Variants in FARS2 observed in about 807,000 individuals in gnomAD.
FARS2 encodes the protein phenylalanyl-tRNA synthetase 2, mitochondrial, also known as phenylalanine--tRNA ligase, mitochondrial.
FARS2 carries 40 observed loss-of-function variants against 46.4 expected under a neutral mutation model. That is an observed-to-expected ratio of 0.86 (90% CI 0.67 to 1.12). The LOEUF (loss-of-function observed/expected upper bound fraction) is 1.12, where lower values mean the gene tolerates loss of function less well. Among genes scored for constraint, FARS2 ranks in the 50% most tolerant of loss-of-function variants. The pLI is 0.00. For synonymous variants in FARS2, 234 were observed against 214.9 expected (o/e 1.09, Z -0.78); for missense variants, 513 against 567.9 (o/e 0.90, Z 0.98).
chr6:5,432,685 A>C (rs1763296705), intron 4 of FARS2, among the ~76,000 whole-genome samples: 1 of 151,256 alleles, frequency 6.6e-6, no homozygotes, highest in Admixed American at 6.6e-5. Context: ...TTAGAAGGAC[A>C]TTTGCTGCTT....
intron 4 of FARS2, among the ~76,000 whole-genome samples, chr6:5,446,779 T>G (rs1057225398): frequency 1.3e-5 from 2 of 152,268 alleles, no homozygotes; most frequent in Middle Eastern, 3.4e-3. Flanking sequence ...TATATATATA[T>G]AGTAATATGG....
chr6:5,440,493 G>A (rs1023319851), intron 4 of FARS2, among the ~76,000 whole-genome samples: 4 of 152,140 alleles, frequency 2.6e-5, no homozygotes, highest in African/African-American at 9.7e-5. Context: ...ATTTTCCTGG[G>A]ATAAGTTTAT....
intron 6 of FARS2, among the ~76,000 whole-genome samples, chr6:5,701,486 T>C (rs1238695509): frequency 1.3e-5 from 2 of 152,202 alleles, no homozygotes; most frequent in East Asian, 3.8e-4. Context: ...TGGGCTATTA[T>C]TGGGACCAAG....
intron 6 of FARS2, among the ~76,000 whole-genome samples, chr6:5,766,009 C>A (rs1378093696): frequency 6.6e-6 from 1 of 152,142 alleles, no homozygotes; most frequent in Non-Finnish European, 1.5e-5. Flanking sequence ...TTAGCCAATA[C>A]CCCAATGCAA....
In FARS2 at chr6:5,474,661, C is replaced by CTTT. The variant is rs34998565; in HGVS notation, c.904+43490_904+43491insTTT. Among the ~76,000 whole-genome samples the CTTT allele has an allele frequency of 1.4e-3, 99 of 71,366 alleles. 2 individuals are homozygous for CTTT. Among genetic ancestry groups the CTTT allele is most frequent in the African/African-American group, 3.3e-3 (80 of 24,506 alleles). The allele number at this position is 71,366 out of a possible 152,430, so 46.8% of individuals were successfully genotyped here. On this transcript the variant is annotated intron_variant, in intron 4 of 6. Coordinates refer to ENST00000274680, the MANE Select transcript of FARS2 (RefSeq NM_006567.5). ...GAAAAGGTACAATAAAAATACAGTA[C>CTTT]TGTTTTTTTTTTTTTTTTTGAGACA...
chr6:5,604,561 A>G (rs1380332789), intron 5 of FARS2, among the ~76,000 whole-genome samples: 1 of 152,174 alleles, frequency 6.6e-6, no homozygotes, highest in East Asian at 1.9e-4. Context: ...AAACCACAGA[A>G]CTGTGAGCTG....
chr6:5,638,460 G>T (rs1435389575), intron 6 of FARS2, among the ~76,000 whole-genome samples: 1 of 152,232 alleles, frequency 6.6e-6, no homozygotes, highest in Non-Finnish European at 1.5e-5. Flanking sequence ...AGCTACTTGG[G>T]AAGCTGAGGC....
intron 6 of FARS2, among the ~76,000 whole-genome samples, chr6:5,712,895 T>C (rs1282255007): frequency 6.6e-6 from 1 of 152,246 alleles, no homozygotes; most frequent in Non-Finnish European, 1.5e-5. Flanking sequence ...GCTCACACAG[T>C]AGACACACCT....
chr6:5,287,831 GT>G (rs1399140934), intron 1 of FARS2, among the ~76,000 whole-genome samples: 1 of 152,020 alleles, frequency 6.6e-6, no homozygotes, highest in African/African-American at 2.4e-5. Flanking sequence ...GGCTCCAGTT[GT>G]TTTTTTCAAG....
At chr6:5,540,653 T>G (rs901176482) in intron 4 of FARS2, among the ~76,000 whole-genome samples, 1 of 152,260 alleles carries the variant, frequency 6.6e-6, no homozygotes, top group Admixed American at 6.5e-5. Flanking sequence ...TAGTCAATAC[T>G]GTGTATGACA....
In FARS2 at chr6:5,301,802, TACACACAC is replaced by T. The variant is rs143654686; in HGVS notation, c.-22+40180_-22+40187del. Among the ~76,000 whole-genome samples the T allele has an allele frequency of 5.5e-3, 724 of 132,414 alleles. 6 individuals are homozygous for T. Among genetic ancestry groups the T allele is most frequent in the African/African-American group, 0.012 (462 of 37,980 alleles). 86.9% of individuals were successfully genotyped at this position (132,414 alleles called of 152,430 possible). A position where few individuals can be genotyped will look rare whatever the true frequency, so the allele number is the denominator to read the frequency against. On this transcript the variant is annotated intron_variant, in intron 1 of 6. Coordinates refer to ENST00000274680, the MANE Select transcript of FARS2 (RefSeq NM_006567.5). ...AGTAAGATGCTATCTCACACACACA[TACACACAC>T]ACACACACACACACACACACACACA...
chr6:5,657,161 C>G lies in FARS2; in HGVS notation c.1217+43841C>G, dbSNP rs551509449. ...TGTGAATTCTTTTCAACTATTATCT[C>G]TTTATCCCCTTTTTGTGGGATGTGT... On this transcript the variant is annotated intron_variant, in intron 6 of 6. Coordinates refer to ENST00000274680, the MANE Select transcript of FARS2 (RefSeq NM_006567.5). Among the ~76,000 whole-genome samples, 196 of 152,200 alleles carry G rather than the reference C, an allele frequency of 1.3e-3. 1 individual carries two copies. The highest frequency in any genetic ancestry group is 4.6e-3 in the African/African-American group (191 of 41,522).
chr6:5,257,779 C>T (rs1764750187), upstream of FARS2, among the ~76,000 whole-genome samples: 1 of 152,126 alleles, frequency 6.6e-6, no homozygotes, highest in Admixed American at 6.5e-5. Context: ...CTCCCTTGAC[C>T]CGGTCCATGG....
intron 6 of FARS2, among the ~76,000 whole-genome samples, chr6:5,624,076 C>T (rs908835532): frequency 2.0e-5 from 3 of 151,794 alleles, no homozygotes; most frequent in African/African-American, 7.3e-5. Flanking sequence ...CTCCTGGCTG[C>T]TTCCTTTTCT....
chr6:5,376,095 C>T (rs1192402023), intron 2 of FARS2, among the ~76,000 whole-genome samples: 1 of 151,924 alleles, frequency 6.6e-6, no homozygotes, highest in Non-Finnish European at 1.5e-5. Context: ...TTCTTTTTTT[C>T]ATCCTGAGAC....
rs116258328 is a variant in FARS2 at position 5,563,224 on chromosome 6, G to A, written c.1065+17884G>A. 2.3e-3 allele frequency among the ~76,000 whole-genome samples: 354 copies of A among 152,190 alleles called. 1 individual carries two copies. The highest frequency in any genetic ancestry group is 7.9e-3 in the African/African-American group (328 of 41,546). On this transcript the variant is annotated intron_variant, in intron 5 of 6. Coordinates refer to ENST00000274680, the MANE Select transcript of FARS2 (RefSeq NM_006567.5). Reference sequence around the variant, plus strand: ...TGGCTTGACTAGGCATGTCATTCACGTAGCCCATGAAAATGCTGGCCCTCC... The same window carrying A: ...TGGCTTGACTAGGCATGTCATTCACATAGCCCATGAAAATGCTGGCCCTCC...
chr6:5,341,214 T>TAG (rs1771571724), intron 1 of FARS2, among the ~76,000 whole-genome samples: 2 of 9,216 alleles, frequency 2.2e-4, no homozygotes, highest in Non-Finnish European at 2.2e-4. Context: ...TATATATATA[T>TAG]ATATATATAT....
At position 5,295,520 on chromosome 6, in the gene FARS2, A is replaced by G. The variant is rs190674446; in HGVS notation, c.-22+33860A>G. Among the ~76,000 whole-genome samples, 315 of 152,292 alleles carry G rather than the reference A, an allele frequency of 2.1e-3. 2 individuals are homozygous for G. Among genetic ancestry groups the G allele is most frequent in the African/African-American group, 7.3e-3 (303 of 41,554 alleles). On this transcript the variant is annotated intron_variant, in intron 1 of 6. Coordinates refer to ENST00000274680, the MANE Select transcript of FARS2 (RefSeq NM_006567.5). The stretch of plus-strand genomic sequence containing the variant: ...TAATAAAACGTTTTAAAAAGGATCA[A>G]GCAAATAAATAAAATAGTCTTGGTA...
At chr6:5,435,396 C>T (rs926554898) in intron 4 of FARS2, among the ~76,000 whole-genome samples, 1 of 152,212 alleles carries the variant, frequency 6.6e-6, no homozygotes. Flanking sequence ...TCAGTGAAGA[C>T]ATTTTATTAC....
Sources: allele counts gnomAD v4.1 joint callset (sites outside exome capture counted in the v4.1 genomes callset), GRCh38; gene constraint gnomAD v4.1.1; transcripts MANE v1.5; gene names NCBI Gene and HGNC (gene_info 2026-07-23, HGNC 2026-07-21).